Variants in HHAT observed in about 807,000 individuals in gnomAD.
HHAT encodes hedgehog acyltransferase.
In HHAT, 47 loss-of-function variants were observed where a neutral mutation model predicts 70.8. The observed-to-expected ratio is 0.66, with a 90% CI of 0.53 to 0.85. HHAT has a LOEUF of 0.85. Ranked by LOEUF, HHAT falls within the 40% of genes least tolerant of loss-of-function variation. The pLI is 0.00. For missense variants in HHAT, 609 were observed against 604.8 expected (o/e 1.01, Z -0.07); for synonymous variants, 228 against 247.6 (o/e 0.92, Z 0.74).
chr1:210,434,623 G>T (rs2093333092), intron 7 of HHAT, among the ~76,000 whole-genome samples: 1 of 151,634 alleles, frequency 6.6e-6, no homozygotes, highest in African/African-American at 2.4e-5. Flanking sequence ...GGCTCTCAGT[G>T]GGCTCAAGGG....
At chr1:210,503,932 CAT>C (rs1342544774) in intron 8 of HHAT, among the ~76,000 whole-genome samples, 4 of 152,240 alleles carry the variant, frequency 2.6e-5, no homozygotes, top group South Asian at 2.1e-4. Flanking sequence ...TAGAAGAAAA[CAT>C]AGAAAATTTT....
intron 8 of HHAT, among the ~76,000 whole-genome samples, chr1:210,511,495 T>C (rs892444017): frequency 1.3e-5 from 2 of 152,114 alleles, no homozygotes; most frequent in Non-Finnish European, 2.9e-5. Context: ...ATATGTCAGG[T>C]GGCGAGGTAC....
At chr1:210,569,630 T>C (rs955395943) in intron 9 of HHAT, among the ~76,000 whole-genome samples, 23 of 152,154 alleles carry the variant, frequency 1.5e-4, no homozygotes, top group African/African-American at 5.6e-4. Flanking sequence ...TTGTCAGTGA[T>C]ATTAGCGATA....
At chr1:210,513,632 C>T (rs2094999753) in intron 9 of HHAT, among the ~76,000 whole-genome samples, 1 of 152,144 alleles carries the variant, frequency 6.6e-6, no homozygotes, top group Non-Finnish European at 1.5e-5. Context: ...CAGTTTATAT[C>T]CTAGTTTATT....
chr1:210,622,972 CAT>C (rs1669143482), intron 10 of HHAT, among the ~76,000 whole-genome samples: 1 of 152,218 alleles, frequency 6.6e-6, no homozygotes, highest in African/African-American at 2.4e-5. Flanking sequence ...TTGTATTCCA[CAT>C]GTCAGAGGGA....
At position 210,464,707 on chromosome 1, in the gene HHAT, A is replaced by G. The variant is rs753783892; in HGVS notation, c.1007+52A>G. On this transcript the variant is annotated intron_variant, in intron 8 of 11. Transcript: ENST00000261458. ...GTCAGGCATGTCCAGTGGGAGGAGCATGGCTGGGCCGGCCTCAAAGGGTTC... is the reference window on the plus strand; with the variant it reads ...GTCAGGCATGTCCAGTGGGAGGAGCGTGGCTGGGCCGGCCTCAAAGGGTTC... 5 of 1,604,264 alleles carry G rather than the reference A, an allele frequency of 3.1e-6. 1 individual carries two copies. In the African/African-American group the frequency reaches 4.0e-5, roughly 13 times the overall value.
In HHAT at chr1:210,584,043, A is replaced by C. The variant is rs577586587; in HGVS notation, c.1044-3855A>C. Among the ~76,000 whole-genome samples, 7 of 136,562 alleles carry C rather than the reference A, an allele frequency of 5.1e-5. No individual in the cohort carries two copies. In the South Asian group the frequency reaches 1.4e-3, roughly 28 times the overall value. The allele number at this position is 136,562 out of a possible 152,430, so 89.6% of individuals were successfully genotyped here. A position where few individuals can be genotyped will look rare whatever the true frequency, so the allele number is the denominator to read the frequency against. On this transcript the variant is annotated intron_variant, in intron 9 of 11. Coordinates refer to ENST00000261458, the MANE Select transcript of HHAT (RefSeq NM_018194.6). ...ACTGCAACCTCCGCCTCCCAGGTTC[A>C]AGCAATTCCCGGGCTAAGCCTCCCG...
intron 9 of HHAT, among the ~76,000 whole-genome samples, chr1:210,522,831 C>G (rs546826768): frequency 6.6e-6 from 1 of 151,956 alleles, no homozygotes; most frequent in African/African-American, 2.4e-5. Context: ...GGCACGCTCT[C>G]TTTCTACCCA....
intron 11 of HHAT, among the ~76,000 whole-genome samples, chr1:210,672,589 G>A (rs1239165200): frequency 6.6e-6 from 1 of 152,168 alleles, no homozygotes; most frequent in African/African-American, 2.4e-5. Context: ...GAGTGGGAGT[G>A]CCTTTGACAT....
At chr1:210,389,607 C>T (rs985270186) in intron 4 of HHAT, among the ~76,000 whole-genome samples, 15 of 152,220 alleles carry the variant, frequency 9.9e-5, no homozygotes, top group African/African-American at 3.4e-4. Flanking sequence ...ATTCTCTCTT[C>T]TGCTCTGCCA....
chr1:210,627,179 C>G (rs1396919284), intron 11 of HHAT, among the ~76,000 whole-genome samples: 1 of 152,098 alleles, frequency 6.6e-6, no homozygotes, highest in Non-Finnish European at 1.5e-5. Context: ...ACCTCAGAGT[C>G]CTGGAAGAGC....
intron 9 of HHAT, among the ~76,000 whole-genome samples, chr1:210,522,766 C>G (rs74664546): frequency 0.14 from 21,002 of 151,928 alleles, 1,930 homozygotes; most frequent in South Asian, 0.26. Context: ...CTCCTTGCCC[C>G]CCACCCCCCA....
At chr1:210,555,794 C>T (rs1192895712) in intron 9 of HHAT, among the ~76,000 whole-genome samples, 1 of 152,138 alleles carries the variant, frequency 6.6e-6, no homozygotes, top group African/African-American at 2.4e-5. Flanking sequence ...GTAAATTCTG[C>T]ACTGGTGGCC....
At chr1:210,607,600 G>A (rs1456658251) in intron 10 of HHAT, among the ~76,000 whole-genome samples, 1 of 152,132 alleles carries the variant, frequency 6.6e-6, no homozygotes, top group Non-Finnish European at 1.5e-5. Context: ...CCAGTACCAT[G>A]AGCAGCTATC....
At chr1:210,362,027 A>ATTGCTAGTTTC in intron 2 of HHAT, among the ~76,000 whole-genome samples, 1 of 152,190 alleles carries the variant, frequency 6.6e-6, no homozygotes, top group Non-Finnish European at 1.5e-5. Context: ...GTTCCATTTC[A>ATTGCTAGTTTC]TTGCTAGTAT....
intron 8 of HHAT, among the ~76,000 whole-genome samples, chr1:210,494,595 A>G (rs2094605055): frequency 9.3e-6 from 1 of 107,538 alleles, no homozygotes; most frequent in South Asian, 2.9e-4. Context: ...CTTTTTTCCC[A>G]GGCTGGAGTG....
Position 210,368,993 on chromosome 1 carries a change from G to A in HHAT, c.159+6074G>A, listed in dbSNP as rs143318727. Among the ~76,000 whole-genome samples the A allele has an allele frequency of 3.9e-3, 592 of 152,034 alleles. 2 individuals are homozygous for A. Among genetic ancestry groups the A allele is most frequent in the African/African-American group, 0.014 (563 of 41,462 alleles). Reference sequence around the variant, plus strand: ...CTTGGGAGGCTGAGGCAGGAGAATCGCTTGAACCCGGGAGGCGGAGGTTGC... The same window carrying A: ...CTTGGGAGGCTGAGGCAGGAGAATCACTTGAACCCGGGAGGCGGAGGTTGC... On this transcript the variant is annotated intron_variant, in intron 3 of 11. Coordinates refer to ENST00000261458, the MANE Select transcript of HHAT (RefSeq NM_018194.6).
At chr1:210,567,529 T>C (rs1655066440) in intron 9 of HHAT, among the ~76,000 whole-genome samples, 1 of 152,236 alleles carries the variant, frequency 6.6e-6, no homozygotes, top group African/African-American at 2.4e-5. Context: ...AATATTTAAC[T>C]CAATGGAAAT....
intron 7 of HHAT, among the ~76,000 whole-genome samples, chr1:210,430,862 T>C (rs1454099284): frequency 6.6e-6 from 1 of 151,994 alleles, no homozygotes; most frequent in Admixed American, 6.5e-5. Flanking sequence ...TCTTTGATGC[T>C]TTTGTATCTG....
Sources: gnomAD v4.1 joint callset for allele counts (sites outside exome capture counted in the v4.1 genomes callset) on GRCh38, gnomAD v4.1.1 for gene constraint, MANE v1.5 for transcripts, NCBI Gene and HGNC (gene_info 2026-07-23, HGNC 2026-07-21) for gene names.